IKBKB-DT: variants seen among roughly 807,000 people sequenced by gnomAD.
IKBKB-DT encodes IKBKB divergent transcript.
chr8:42,242,686 C>T (rs1454387987), intron 3 of IKBKB-DT, among the ~76,000 whole-genome samples: 1 of 152,220 alleles, frequency 6.6e-6, no homozygotes, highest in African/African-American at 2.4e-5. Context: ...CCTTCCCCGG[C>T]CTCTGGCTTG....
At chr8:42,254,104 G>C (rs1409485382) in intron 3 of IKBKB-DT, among the ~76,000 whole-genome samples, 1 of 152,340 alleles carries the variant, frequency 6.6e-6, no homozygotes, top group Admixed American at 6.5e-5. Flanking sequence ...ATTTAAGAAT[G>C]TTAGCACAGG....
chr8:42,252,664 GC>G (rs1289819219), intron 3 of IKBKB-DT, among the ~76,000 whole-genome samples: 1 of 152,198 alleles, frequency 6.6e-6, no homozygotes, highest in Non-Finnish European at 1.5e-5. Flanking sequence ...ACTGCACCCA[GC>G]CAAGATAGAT....
intron 3 of IKBKB-DT, among the ~76,000 whole-genome samples, chr8:42,238,746 A>G (rs1205445842): frequency 6.6e-6 from 1 of 152,176 alleles, no homozygotes; most frequent in African/African-American, 2.4e-5. Context: ...CCCAAGGGTC[A>G]TGACTCACCC....
chr8:42,240,406 C>T (rs1188764317), intron 3 of IKBKB-DT, among the ~76,000 whole-genome samples: 1 of 151,476 alleles, frequency 6.6e-6, no homozygotes, highest in African/African-American at 2.4e-5. Flanking sequence ...GGGCAGATCA[C>T]GAGGTCAGGA....
At chr8:42,257,735 A>G (rs911844282) in intron 3 of IKBKB-DT, among the ~76,000 whole-genome samples, 4 of 152,150 alleles carry the variant, frequency 2.6e-5, no homozygotes, top group African/African-American at 9.6e-5. Context: ...CGAGTTCGAC[A>G]TCAGCCTGGG....
At chr8:42,244,285 G>T (rs950260742) in intron 3 of IKBKB-DT, among the ~76,000 whole-genome samples, 9 of 152,218 alleles carry the variant, frequency 5.9e-5, no homozygotes, top group Admixed American at 5.9e-4. Flanking sequence ...CTTGACACAG[G>T]GTAGTCAGTT....
chr8:42,261,058 G>A (rs1421041451), intron 3 of IKBKB-DT, among the ~76,000 whole-genome samples: 1 of 152,154 alleles, frequency 6.6e-6, no homozygotes, highest in East Asian at 1.9e-4. Context: ...AGCTGTTATG[G>A]CCTACATCTG....
intron 3 of IKBKB-DT, among the ~76,000 whole-genome samples, chr8:42,249,688 G>A (rs139060652): frequency 0.011 from 1,683 of 152,194 alleles, 13 homozygotes; most frequent in Non-Finnish European, 0.018. Flanking sequence ...TTGCTTCACC[G>A]CTGTTCCATT....
intron 3 of IKBKB-DT, among the ~76,000 whole-genome samples, chr8:42,241,218 T>G (rs1806997830): frequency 6.9e-6 from 1 of 144,034 alleles, no homozygotes; most frequent in African/African-American, 2.6e-5. Flanking sequence ...TTAGATATGT[T>G]GGAATCTTTT....
chr8:42,243,994 C>T (rs967252248), intron 3 of IKBKB-DT, among the ~76,000 whole-genome samples: 1 of 152,204 alleles, frequency 6.6e-6, no homozygotes, highest in African/African-American at 2.4e-5. Flanking sequence ...GAATTCTAAT[C>T]TAACTCCAAG....
chr8:42,240,650 A>AAAAAAAG (rs1806989783), intron 3 of IKBKB-DT, among the ~76,000 whole-genome samples: 1 of 148,908 alleles, frequency 6.7e-6, no homozygotes, highest in African/African-American at 2.5e-5. Context: ...AAAAAAAAAA[A>AAAAAAAG]GAGCAAGTAA....
chr8:42,259,598 C>G (rs1807254274), intron 3 of IKBKB-DT, among the ~76,000 whole-genome samples: 1 of 152,102 alleles, frequency 6.6e-6, no homozygotes, highest in Non-Finnish European at 1.5e-5. Flanking sequence ...GTTAAAAGCT[C>G]ATTTATATAC....
At chr8:42,252,726 A>C (rs955282199) in intron 3 of IKBKB-DT, among the ~76,000 whole-genome samples, 5 of 152,242 alleles carry the variant, frequency 3.3e-5, no homozygotes, top group African/African-American at 1.2e-4. Context: ...GAAAAGAAAT[A>C]GTGCTGAATC....
At chr8:42,262,641 G>A (rs1231603402) in intron 3 of IKBKB-DT, among the ~76,000 whole-genome samples, 4 of 151,764 alleles carry the variant, frequency 2.6e-5, no homozygotes, top group South Asian at 2.1e-4. Flanking sequence ...GGGTTTCACC[G>A]TGTTAGCCAG....
rs536528843 is a variant in IKBKB-DT at position 42,247,051 on chromosome 8, G to A, written n.1530-13192C>T. ...CAGCCTAGTGAAGCTATGAGAAGAC[G>A]GCCACCATCCTTCAGACCCCAAAAT... On this transcript the variant is annotated intron_variant and non_coding_transcript_variant, in intron 3 of 3. Transcript: ENST00000518213. Among the ~76,000 whole-genome samples, 14 of 152,236 alleles carry A rather than the reference G, an allele frequency of 9.2e-5. No individual in the cohort carries two copies. The South Asian group carries it at 2.5e-3, about 27-fold the overall frequency.
intron 3 of IKBKB-DT, among the ~76,000 whole-genome samples, chr8:42,253,154 C>T (rs1166743124): frequency 6.6e-6 from 1 of 152,178 alleles, no homozygotes; most frequent in African/African-American, 2.4e-5. Context: ...TTCAAAAGAA[C>T]CTTGGTCTCC....
At chr8:42,252,988 A>C (rs571720138) in intron 3 of IKBKB-DT, among the ~76,000 whole-genome samples, 2 of 152,300 alleles carry the variant, frequency 1.3e-5, no homozygotes, top group African/African-American at 4.8e-5. Context: ...TGTGGGGGAA[A>C]ATTTGTATCT....
chr8:42,239,356 CA>C (rs1012389671), intron 3 of IKBKB-DT, among the ~76,000 whole-genome samples: 33 of 151,750 alleles, frequency 2.2e-4, no homozygotes, highest in African/African-American at 6.5e-4. Context: ...CCCTCTGGGC[CA>C]CTGCGTCTGC....
chr8:42,267,334 C>T (rs1224561609), intron 1 of IKBKB-DT, among the ~76,000 whole-genome samples: 1 of 152,154 alleles, frequency 6.6e-6, no homozygotes. Context: ...ACTTTACTGA[C>T]TCGCCCTGAA....
Sources: gnomAD v4.1 joint callset for allele counts (sites outside exome capture counted in the v4.1 genomes callset) on GRCh38, gnomAD v4.1.1 for gene constraint, MANE v1.5 for transcripts, NCBI Gene and HGNC (gene_info 2026-07-23, HGNC 2026-07-21) for gene names.